Variants in VRK2 observed in about 807,000 individuals in gnomAD.
VRK2 encodes the protein VRK serine/threonine kinase 2, also known as serine/threonine-protein kinase VRK2.
Under a neutral mutation model 57.6 loss-of-function variants are expected in VRK2, and 60 were observed. The observed-to-expected ratio is 1.04, with a 90% CI of 0.85 to 1.29. The LOEUF is 1.29. Among genes scored for constraint, VRK2 ranks in the 50% most tolerant of loss-of-function variants. VRK2 has a pLI of 0.00. For missense variants in VRK2, 705 were observed against 588.1 expected (o/e 1.20, Z -2.06); for synonymous variants, 231 against 199.2 (o/e 1.16, Z -1.35).
At chr2:58,119,304 C>G (rs1677039541) in intron 7 of VRK2, among the ~76,000 whole-genome samples, 1 of 151,090 alleles carries the variant, frequency 6.6e-6, no homozygotes, top group Non-Finnish European at 1.5e-5. Flanking sequence ...TCGAGACCAG[C>G]CTGGCTAACA....
chr2:57,964,668 T>A (rs1671858597), intron 1 of VRK2, among the ~76,000 whole-genome samples: 1 of 152,024 alleles, frequency 6.6e-6, no homozygotes, highest in Admixed American at 6.6e-5. Context: ...GCGGATCACC[T>A]GAGGTCAGGA....
chr2:57,926,047 C>A (rs528148510), intron 1 of VRK2, among the ~76,000 whole-genome samples: 3 of 151,872 alleles, frequency 2.0e-5, no homozygotes, highest in African/African-American at 7.2e-5. Flanking sequence ...AATACAATTT[C>A]TCTTGATACT....
chr2:58,132,774 T>C (rs1679407586), intron 9 of VRK2, among the ~76,000 whole-genome samples: 1 of 152,210 alleles, frequency 6.6e-6, no homozygotes. Context: ...CAGTTCTTAA[T>C]ACTGAGAAAG....
At chr2:57,989,373 T>A (rs1291258286) in intron 1 of VRK2, among the ~76,000 whole-genome samples, 1 of 152,240 alleles carries the variant, frequency 6.6e-6, no homozygotes, top group Non-Finnish European at 1.5e-5. Context: ...TATTTCTTAA[T>A]ATAATTCTAA....
At chr2:58,158,155 A>C (rs752870072) in intron 12 of VRK2, among the ~76,000 whole-genome samples, 1 of 143,044 alleles carries the variant, frequency 7.0e-6, no homozygotes, top group Non-Finnish European at 1.6e-5. Flanking sequence ...CATGTGAGCT[A>C]TATGTAAATG....
chr2:58,133,901 A>T (rs1280644111), intron 9 of VRK2, among the ~76,000 whole-genome samples: 2 of 152,194 alleles, frequency 1.3e-5, no homozygotes, highest in East Asian at 3.8e-4. Flanking sequence ...ATCATGGTAA[A>T]TATTACTACT....
At chr2:57,999,987 T>A (rs1299267561) in intron 1 of VRK2, among the ~76,000 whole-genome samples, 1 of 151,886 alleles carries the variant, frequency 6.6e-6, no homozygotes, top group Non-Finnish European at 1.5e-5. Context: ...CTACAAAAAT[T>A]TAATACACAC....
intron 1 of VRK2, among the ~76,000 whole-genome samples, chr2:57,957,234 C>A (rs912004457): frequency 2.0e-5 from 3 of 152,078 alleles, no homozygotes; most frequent in African/African-American, 4.8e-5. Flanking sequence ...ATTTTTACTA[C>A]CTCTTTCAAA....
chr2:58,098,996 G>C (rs892199102), intron 7 of VRK2, among the ~76,000 whole-genome samples: 1 of 151,800 alleles, frequency 6.6e-6, no homozygotes, highest in Non-Finnish European at 1.5e-5. Flanking sequence ...GCTGATTTTG[G>C]AATATGATAT....
intron 2 of VRK2, among the ~76,000 whole-genome samples, chr2:58,076,225 A>G (rs1382276276): frequency 4.0e-5 from 6 of 150,790 alleles, no homozygotes; most frequent in Non-Finnish European, 7.4e-5. Flanking sequence ...TTATGTCCTC[A>G]TAAGTCCATC....
intron 1 of VRK2, among the ~76,000 whole-genome samples, chr2:57,910,135 T>C (rs1669941934): frequency 6.6e-6 from 1 of 150,460 alleles, no homozygotes; most frequent in Admixed American, 6.6e-5. Context: ...AACATTCCCA[T>C]GGGGGCCCCA....
At chr2:57,988,434 T>C (rs1280307538) in intron 1 of VRK2, among the ~76,000 whole-genome samples, 1 of 152,162 alleles carries the variant, frequency 6.6e-6, no homozygotes, top group African/African-American at 2.4e-5. Flanking sequence ...CCTAGATAGC[T>C]AATAAAACAT....
chr2:58,039,859 A>G (rs1395383239), intron 3 of VRK2, among the ~76,000 whole-genome samples: 1 of 151,466 alleles, frequency 6.6e-6, no homozygotes, highest in Admixed American at 6.6e-5. Flanking sequence ...ACTTCTTGAT[A>G]TTTTCTTAAA....
rs982903733 is a variant in VRK2 at position 58,128,232 on chromosome 2, C to CT, written c.677-3573dup. 1.3e-4 allele frequency among the ~76,000 whole-genome samples: 20 copies of CT among 152,156 alleles called. 2 individuals carry two copies. The highest frequency in any genetic ancestry group is 1.3e-3 in the Admixed American group (20 of 15,272). On this transcript the variant is annotated intron_variant, in intron 8 of 12. Transcript: ENST00000340157. ...ATTTTTGTGTCAGTATGTCTTGGTG[C>CT]TTTAAGTTTAAATGCCTGCTTCAAA...
intron 1 of VRK2, among the ~76,000 whole-genome samples, chr2:57,951,938 T>C (rs1234382566): frequency 6.7e-6 from 1 of 150,076 alleles, no homozygotes; most frequent in Non-Finnish European, 1.5e-5. Flanking sequence ...TTTTTTTTTT[T>C]TTTTAAGAGA....
intron 1 of VRK2, among the ~76,000 whole-genome samples, chr2:58,020,620 A>G (rs926531030): frequency 6.6e-6 from 1 of 152,276 alleles, no homozygotes; most frequent in African/African-American, 2.4e-5. Flanking sequence ...ATTTGCATGT[A>G]TTATATGCTT....
At chr2:57,960,497 G>C (rs1458623173) in intron 1 of VRK2, among the ~76,000 whole-genome samples, 1 of 152,164 alleles carries the variant, frequency 6.6e-6, no homozygotes, top group Non-Finnish European at 1.5e-5. Flanking sequence ...TAAATTGATT[G>C]TATCTACTTG....
Position 57,974,329 on chromosome 2 carries a change from A to C in VRK2, c.-438-51336A>C, listed in dbSNP as rs1435413124. 3.9e-5 allele frequency among the ~76,000 whole-genome samples: 6 copies of C among 152,072 alleles called. No homozygotes were observed. In the South Asian group the frequency reaches 1.0e-3, roughly 26 times the overall value. On this transcript the variant is annotated intron_variant, in intron 1 of 15. Coordinates refer to the VRK2 transcript ENST00000417641. The stretch of plus-strand genomic sequence containing the variant: ...ATTAAACAAGATTTAATTGATCACA[A>C]AAGTCCAACAGATTAAAATATTGGT...
intron 1 of VRK2, among the ~76,000 whole-genome samples, chr2:57,947,130 T>C (rs1205725411): frequency 6.6e-6 from 1 of 152,142 alleles, no homozygotes; most frequent in African/African-American, 2.4e-5. Context: ...CGTTACTTCA[T>C]CAATGCCAGA....
Sources: gnomAD v4.1 joint callset for allele counts (sites outside exome capture counted in the v4.1 genomes callset) on GRCh38, gnomAD v4.1.1 for gene constraint, MANE v1.5 for transcripts, NCBI Gene and HGNC (gene_info 2026-07-23, HGNC 2026-07-21) for gene names.